Variants in RNF2 observed in about 807,000 individuals in gnomAD.
RNF2 encodes the protein ring finger protein 2.
A neutral mutation model predicts 37.2 loss-of-function variants in RNF2; 6 were observed. The ratio of observed to expected loss-of-function variants is 0.16; its 90% confidence interval spans 0.09 to 0.32. RNF2 has a LOEUF of 0.32. RNF2 is among the 10% of genes least tolerant of loss of function. The probability of loss-of-function intolerance (pLI) is 1.00; values close to 1 mark genes in which losing one functional copy is unlikely to be tolerated. For missense variants in RNF2, 251 were observed against 404.0 expected (o/e 0.62, Z 3.25); for synonymous variants, 133 against 132.7 (o/e 1.00, Z -0.02).
intron 1 of RNF2, among the ~76,000 whole-genome samples, chr1:185,081,703 C>CAGAA (rs1651412175): frequency 6.6e-6 from 1 of 152,098 alleles, no homozygotes; most frequent in Admixed American, 6.6e-5. Flanking sequence ...AGCCACCGTG[C>CAGAA]CTGGCCTCTG....
chr1:185,047,638 A>G (rs1650156537), intron 1 of RNF2, among the ~76,000 whole-genome samples: 1 of 152,250 alleles, frequency 6.6e-6, no homozygotes, highest in Admixed American at 6.5e-5. Context: ...TCTTCCAGCA[A>G]GAGAAATGAG....
chr1:185,083,812 G>A (rs1651499667), intron 1 of RNF2, among the ~76,000 whole-genome samples: 1 of 151,078 alleles, frequency 6.6e-6, no homozygotes, highest in Non-Finnish European at 1.5e-5. Context: ...TTGCTGTGTT[G>A]CCCAGGCTGG....
chr1:185,046,472 C>T (rs1393577662), intron 1 of RNF2, among the ~76,000 whole-genome samples: 1 of 152,172 alleles, frequency 6.6e-6, no homozygotes, highest in African/African-American at 2.4e-5. Flanking sequence ...TTCTTGCTTT[C>T]AGAGATGGTG....
chr1:185,047,027 A>C (rs1646484681), intron 1 of RNF2, among the ~76,000 whole-genome samples: 1 of 152,230 alleles, frequency 6.6e-6, no homozygotes, highest in Non-Finnish European at 1.5e-5. Flanking sequence ...TTTCACAATC[A>C]ACAAGTATCT....
At chr1:185,057,144 TA>T (rs985457478) in intron 1 of RNF2, among the ~76,000 whole-genome samples, 2 of 151,774 alleles carry the variant, frequency 1.3e-5, no homozygotes, top group African/African-American at 4.8e-5. Context: ...CCTGTCTCTA[TA>T]AAAAAGAAAA....
At chr1:185,098,399 G>A (rs1340592865) in intron 5 of RNF2, 55 bp downstream of exon 5, 3 of 1,571,380 alleles carry the variant, frequency 1.9e-6, no homozygotes, top group Non-Finnish European at 2.6e-6. Context: ...TAATTTGGAG[G>A]TAAAAGGCAG....
chr1:185,087,293 A>G lies in RNF2; in HGVS notation c.-2-259A>G, dbSNP rs546746285. Among the ~76,000 whole-genome samples the G allele has an allele frequency of 5.9e-5, 9 of 152,310 alleles. No individual in the cohort carries two copies. In the East Asian group the frequency reaches 1.2e-3, roughly 20 times the overall value. ...CAGATGCAGTGTCTGGTGAGGGCCT[A>G]TTCCTTATAGCTGCTTCTCTGTGTC... is the stretch of plus-strand genomic sequence containing the variant. On this transcript the variant is annotated intron_variant, in intron 1 of 6. Transcript: ENST00000367510.
rs565647204 is a variant in RNF2, at chr1:185,051,476, C to T, written c.-3+5827C>T. Among the ~76,000 whole-genome samples, 11 of 152,206 alleles carry T rather than the reference C, an allele frequency of 7.2e-5. 1 individual carries two copies. The highest frequency in any genetic ancestry group is 1.4e-4 in the African/African-American group (6 of 41,514). On this transcript the variant is annotated intron_variant, in intron 1 of 6. Transcript: ENST00000367510. ...TTGAAAAGATATAAGAAGTAATGTA[C>T]GTAAAGCGGTCTTTGTAAAGAGTAA...
chr1:185,068,918 A>G (rs1234502089), intron 1 of RNF2, among the ~76,000 whole-genome samples: 2 of 152,248 alleles, frequency 1.3e-5, no homozygotes, highest in South Asian at 2.1e-4. Flanking sequence ...CGATTAAAGC[A>G]GCTGTTAAAC....
chr1:185,093,224 C>G lies in RNF2; in HGVS notation c.412C>G (p.Gln138Glu). ...CAGGATCAACAAGCACAATAATCAG[C>G]AAGCACTCAGTCACAGCATTGAGGA... ...LARINKHNNQ[Q>E]ALSHSIEEGL... Residue 138 changes from glutamine (Q) to glutamate (E), a missense_variant, in exon 4 of 7, where the codon CAA (glutamine) becomes GAA (glutamate). Physicochemically the swap from Gln to Glu is conservative, Grantham distance 29. This residue lies in a region of RNF2 where 33 missense variants were observed against 46.8 expected (regional missense o/e 0.71). Coordinates refer to ENST00000367510, the MANE Select transcript of RNF2 (RefSeq NM_007212.4). 1 of 1,614,032 alleles carries G rather than the reference C, an allele frequency of 6.2e-7. No individual in the cohort carries two copies. Among genetic ancestry groups the G allele is most frequent in the Non-Finnish European group, 8.5e-7 (1 of 1,179,968 alleles).
chr1:185,088,612 A>G (rs1170462605), intron 2 of RNF2, among the ~76,000 whole-genome samples: 2 of 152,160 alleles, frequency 1.3e-5, no homozygotes, highest in African/African-American at 4.8e-5. Context: ...AAAGTGTTTA[A>G]CACTAGTGAC....
chr1:185,100,396 A>G lies in RNF2; in HGVS notation c.*95A>G, dbSNP rs1463858544. On this transcript the variant is annotated 3_prime_UTR_variant, in exon 7 of 7. Coordinates refer to ENST00000367510, the MANE Select transcript of RNF2 (RefSeq NM_007212.4). ...CATTACTTTTATGGACAGATCTTGG[A>G]TATGTTGTTCAATTTTCTTTCTGAG... is the stretch of plus-strand genomic sequence containing the variant. 2 of 702,564 alleles carry G rather than the reference A, an allele frequency of 2.8e-6. No individual in the cohort carries two copies. Among genetic ancestry groups the G allele is most frequent in the South Asian group, 5.1e-5 (2 of 39,250 alleles). 43.5% of individuals were successfully genotyped at this position (702,564 alleles called of 1,614,324 possible).
chr1:185,080,031 C>G (rs1038090077), intron 1 of RNF2, among the ~76,000 whole-genome samples: 1 of 152,140 alleles, frequency 6.6e-6, no homozygotes, highest in Non-Finnish European at 1.5e-5. Context: ...TGACAAGGAT[C>G]TTTAGGCTGT....
intron 1 of RNF2, among the ~76,000 whole-genome samples, chr1:185,048,851 A>C (rs1247358123): frequency 6.6e-6 from 1 of 152,222 alleles, no homozygotes; most frequent in Middle Eastern, 3.4e-3. Flanking sequence ...GTTGGAACAC[A>C]TTGCAGTTTC....
At chr1:185,075,182 C>T (rs1234771216) in intron 1 of RNF2, among the ~76,000 whole-genome samples, 1 of 151,920 alleles carries the variant, frequency 6.6e-6, no homozygotes, top group African/African-American at 2.4e-5. Context: ...TTAGTAGAGA[C>T]GGGTTTTCGC....
At chr1:185,049,818 C>T (rs1650224883) in intron 1 of RNF2, among the ~76,000 whole-genome samples, 1 of 152,142 alleles carries the variant, frequency 6.6e-6, no homozygotes, top group South Asian at 2.1e-4. Context: ...TGTGTTATTG[C>T]TGGTTCTGGG....
chr1:185,087,753 A>G, intron 2 of RNF2, 113 bp downstream of exon 2: 1 of 760,540 alleles, frequency 1.3e-6, no homozygotes, highest in Middle Eastern at 2.9e-4. Flanking sequence ...ATATTCAAGC[A>G]TTCCTGACTT....
chr1:185,053,696 A>G lies in RNF2; in HGVS notation c.-3+8047A>G, dbSNP rs141089080. Among the ~76,000 whole-genome samples the G allele has an allele frequency of 3.6e-3, 545 of 152,126 alleles. 1 individual carries two copies. Among genetic ancestry groups the G allele is most frequent in the Admixed American group, 7.3e-3 (111 of 15,282 alleles). On this transcript the variant is annotated intron_variant, in intron 1 of 6. Transcript: ENST00000367510. The stretch of plus-strand genomic sequence containing the variant: ...TTTTCTTTTGCTCTCCCATTACTAG[A>G]AGGCAGGGATTTTAATTACTGTTGA...
At chr1:185,092,924 G>A (rs1651810997) in intron 3 of RNF2, 137 bp from the exon 4 acceptor site, 1 of 790,654 alleles carries the variant, frequency 1.3e-6, no homozygotes, top group African/African-American at 1.7e-5. Flanking sequence ...GGAAATTCAG[G>A]ATAATTGGTT....
Sources: allele counts gnomAD v4.1 joint callset (sites outside exome capture counted in the v4.1 genomes callset), GRCh38; gene constraint gnomAD v4.1.1; regional missense constraint gnomAD v4.1.1; transcripts MANE v1.5; gene names NCBI Gene and HGNC (gene_info 2026-07-23, HGNC 2026-07-21).